The following NELL1 variants were observed in gnomAD, a reference collection of about 807,000 sequenced individuals.
The protein encoded by NELL1 is neural EGFL like 1.
A neutral mutation model predicts 107.4 loss-of-function variants in NELL1; 76 were observed. The observed-to-expected ratio is 0.71, with a 90% confidence interval of 0.59 to 0.86. The LOEUF (loss-of-function observed/expected upper bound fraction) is 0.86. Among genes scored for constraint, NELL1 ranks in the 40% least tolerant of loss-of-function variants. The probability of loss-of-function intolerance (pLI) is 0.00; values close to 1 mark genes in which losing one functional copy is unlikely to be tolerated. For missense variants in NELL1, 1,024 were observed against 1,005.5 expected, an observed-to-expected ratio of 1.02 and a Z score of -0.25; for synonymous variants, 353 against 341.2, an observed-to-expected ratio of 1.03 and a Z score of -0.38.
At chr11:20,988,001 T>G (rs1047918623) in intron 12 of NELL1, among the ~76,000 whole-genome samples, 2 of 152,226 alleles carry the variant, frequency 1.3e-5, no homozygotes, top group African/African-American at 4.8e-5. Flanking sequence ...GATTTTCCTG[T>G]GTTTACAACA....
intron 3 of NELL1, among the ~76,000 whole-genome samples, chr11:20,826,079 G>A (rs1379206981): frequency 6.6e-6 from 1 of 151,312 alleles, no homozygotes; most frequent in African/African-American, 2.4e-5. Context: ...AGAAGGATGT[G>A]TTTGCTGCTT....
intron 3 of NELL1, among the ~76,000 whole-genome samples, chr11:20,791,582 C>G (rs1447131881): frequency 6.6e-6 from 1 of 152,102 alleles, no homozygotes; most frequent in African/African-American, 2.4e-5. Context: ...CCAAATTGCC[C>G]TGGCCAGAAC....
intron 8 of NELL1, 86 bp from the exon 9 acceptor site, chr11:20,928,291 T>G (rs1330464237): frequency 8.3e-7 from 1 of 1,211,712 alleles, no homozygotes; most frequent in Admixed American, 1.7e-5. Context: ...CTGATGAGGT[T>G]TCTGGGATGA....
Position 20,826,424 on chromosome 11 carries a change from C to T in NELL1, c.336-21159C>T, listed in dbSNP as rs555515213. 3.3e-5 allele frequency among the ~76,000 whole-genome samples: 5 copies of T among 151,336 alleles called. No individual in the cohort carries two copies. The East Asian group carries it at 7.7e-4, about 23-fold the overall frequency. On this transcript the variant is annotated intron_variant, in intron 3 of 19. Transcript: ENST00000357134. ...TGGTGAGAGCTTAATCTCATGACCA[C>T]GCCTAGCTGTAAGGAAGATGGTGAA...
intron 13 of NELL1, among the ~76,000 whole-genome samples, chr11:21,116,880 A>G (rs150802584): frequency 2.6e-5 from 4 of 152,050 alleles, no homozygotes; most frequent in Non-Finnish European, 4.4e-5. Flanking sequence ...TTTTTTAAAA[A>G]GAGAAATCAT....
intron 12 of NELL1, among the ~76,000 whole-genome samples, chr11:21,047,314 A>G (rs1303660502): frequency 6.6e-6 from 1 of 152,110 alleles, no homozygotes; most frequent in Non-Finnish European, 1.5e-5. Flanking sequence ...AAATGATAGT[A>G]TGCATCCCCC....
At chr11:21,002,520 A>G (rs1852245853) in intron 12 of NELL1, among the ~76,000 whole-genome samples, 1 of 152,158 alleles carries the variant, frequency 6.6e-6, no homozygotes, top group Non-Finnish European at 1.5e-5. Context: ...TAGATAGGAT[A>G]CTGCAGAGCA....
chr11:21,449,096 A>G (rs1224636083), intron 15 of NELL1, among the ~76,000 whole-genome samples: 3 of 152,188 alleles, frequency 2.0e-5, no homozygotes, highest in African/African-American at 7.2e-5. Context: ...CATCATGTAT[A>G]TGGCAGGTGA....
intron 3 of NELL1, among the ~76,000 whole-genome samples, chr11:20,792,534 T>C (rs1045288158): frequency 6.6e-6 from 1 of 152,022 alleles, no homozygotes; most frequent in Non-Finnish European, 1.5e-5. Flanking sequence ...GGAAATCTAA[T>C]TTTATTCCTA....
chr11:20,755,865 G>GTTTTTTTTTTTTT (rs574606148), intron 2 of NELL1, among the ~76,000 whole-genome samples: 9 of 122,062 alleles, frequency 7.4e-5, no homozygotes, highest in Middle Eastern at 3.7e-3. Context: ...CAGACCTGCG[G>GTTTTTTTTTTTTT]TTTTTTTTTT....
At chr11:21,424,769 C>A (rs1852777743) in intron 15 of NELL1, among the ~76,000 whole-genome samples, 1 of 152,042 alleles carries the variant, frequency 6.6e-6, no homozygotes, top group Non-Finnish European at 1.5e-5. Flanking sequence ...TCTGAATAAA[C>A]CTATAACAAA....
At chr11:21,171,759 A>T (rs1471682970) in intron 13 of NELL1, among the ~76,000 whole-genome samples, 2 of 151,842 alleles carry the variant, frequency 1.3e-5, no homozygotes, top group Non-Finnish European at 2.9e-5. Context: ...ATTAAATTCA[A>T]TACTACAGTG....
chr11:20,915,717 A>ATATATATATATATATATATATATT, intron 5 of NELL1, among the ~76,000 whole-genome samples: 55 of 58,206 alleles, frequency 9.4e-4, no homozygotes, highest in Non-Finnish European at 1.3e-3. Context: ...ATATATATAT[A>ATATATATATATATATATATATATT]TTTTTTTTTT....
At chr11:20,998,949 G>A (rs1019062646) in intron 12 of NELL1, among the ~76,000 whole-genome samples, 1 of 152,146 alleles carries the variant, frequency 6.6e-6, no homozygotes, top group African/African-American at 2.4e-5. Flanking sequence ...GACGAAGGGT[G>A]ACTTCTACCA....
At chr11:21,415,646 T>G (rs1328790698) in intron 15 of NELL1, among the ~76,000 whole-genome samples, 1 of 152,042 alleles carries the variant, frequency 6.6e-6, no homozygotes, top group East Asian at 1.9e-4. Flanking sequence ...TCTCTTTAAT[T>G]GATGACAGCT....
At chr11:21,497,297 GAAGTA>G (rs1855007796) in intron 15 of NELL1, among the ~76,000 whole-genome samples, 1 of 152,028 alleles carries the variant, frequency 6.6e-6, no homozygotes, top group Non-Finnish European at 1.5e-5. Context: ...CCTAGAACTT[GAAGTA>G]TAGTTACAAA....
At chr11:21,491,752 G>C (rs1323873900) in intron 15 of NELL1, among the ~76,000 whole-genome samples, 1 of 152,118 alleles carries the variant, frequency 6.6e-6, no homozygotes, top group Non-Finnish European at 1.5e-5. Context: ...TTGGTAGCTT[G>C]ATGGGGATGG....
At chr11:21,034,404 AT>A (rs1853036450) in intron 12 of NELL1, among the ~76,000 whole-genome samples, 1 of 152,118 alleles carries the variant, frequency 6.6e-6, no homozygotes, top group African/African-American at 2.4e-5. Context: ...ACTGGATCAA[AT>A]CAACCACAGA....
At chr11:21,264,492 T>C (rs1421815881) in intron 14 of NELL1, among the ~76,000 whole-genome samples, 2 of 151,906 alleles carry the variant, frequency 1.3e-5, no homozygotes, top group East Asian at 3.9e-4. Context: ...CAGATATGTA[T>C]AGTTTGTACA....
Sources: allele counts gnomAD v4.1 joint callset (sites outside exome capture counted in the v4.1 genomes callset), GRCh38; gene constraint gnomAD v4.1.1; transcripts MANE v1.5; gene names NCBI Gene and HGNC (gene_info 2026-07-23, HGNC 2026-07-21).